The following DEXI variants were observed in gnomAD, a reference collection of about 807,000 sequenced individuals.
The protein encoded by DEXI is dexamethasone-induced protein.
DEXI carries 2 observed loss-of-function variants against 2.5 expected under a neutral mutation model. The observed-to-expected ratio is 0.81, with a 90% CI of 0.33 to 2.55. The LOEUF is 2.55. Among genes scored for constraint, DEXI ranks in the 30% most tolerant of loss-of-function variants. The pLI, the probability that DEXI is intolerant of heterozygous loss-of-function variation, is 0.11. For synonymous variants in DEXI, 71 were observed against 68.7 expected (o/e 1.03, Z -0.17); for missense variants, 108 against 130.3 (o/e 0.83, Z 0.83).
At chr16:10,930,647 C>T (rs1383325211) in intron 1 of DEXI, 1 of 152,198 alleles carries the variant, frequency 6.6e-6, no homozygotes, top group Admixed American at 6.5e-5. Context: ...ACGATGGAAA[C>T]GGTCTGAATG....
chr16:10,938,551 T>A lies in DEXI; in HGVS notation c.*149+3018A>T, dbSNP rs1379778973. 1 of 152,218 alleles carries A rather than the reference T, an allele frequency of 6.6e-6. No individual in the cohort carries two copies. The highest frequency in any genetic ancestry group is 1.9e-4 in the East Asian group (1 of 5,200). The allele number at this position is 152,218 out of a possible 1,614,324, so 9.4% of individuals were successfully genotyped here. A position where few individuals can be genotyped will look rare whatever the true frequency, so the allele number is the denominator to read the frequency against. ...GCAGGACTGACTACCGGCGTTCCCC[T>A]GCTTATGGAAAGGGGCCTGGAGATG... On this transcript the variant is annotated intron_variant, in intron 1 of 1. Coordinates refer to ENST00000331808, the MANE Select transcript of DEXI (RefSeq NM_014015.4). The surrounding 1 kb of genome is among the most constrained non-coding windows in gnomAD (Gnocchi z 4.9).
rs1356220761 is a variant in DEXI at position 10,937,852 on chromosome 16, T to C, written c.*149+3717A>G. 6.6e-6 allele frequency: 1 copy of C among 151,950 alleles called. No individual in the cohort carries two copies. The highest frequency in any genetic ancestry group is 2.4e-5 in the African/African-American group (1 of 41,330). 9.4% of individuals were successfully genotyped at this position (151,950 alleles called of 1,614,324 possible). ...AAACCACAGAGCCGGCTATCCAGGGTTCTGGTGCCCTGGGGACCACAGGGC... is the reference window on the plus strand; with the variant it reads ...AAACCACAGAGCCGGCTATCCAGGGCTCTGGTGCCCTGGGGACCACAGGGC... On this transcript the variant is annotated intron_variant, in intron 1 of 1. Coordinates refer to ENST00000331808, the MANE Select transcript of DEXI (RefSeq NM_014015.4). The surrounding 1 kb of genome is among the most constrained non-coding windows in gnomAD (Gnocchi z 4.2).
At position 10,941,782 on chromosome 16, in the gene DEXI, T is replaced by G; in HGVS notation, c.224A>C (p.Asp75Ala). 3.1e-6 allele frequency: 5 copies of G among 1,613,272 alleles called. No homozygotes were observed. Among genetic ancestry groups the G allele is most frequent in the Non-Finnish European group, 4.2e-6 (5 of 1,179,746 alleles). ...QALVDLGVLS[D>A]PGSGLYDADS... ...AGCATCGTAAAGGCCCGAGCCGGGGTCGGAGAGCACGCCGAGGTCCACGAG... is the reference window on the plus strand; with the variant it reads ...AGCATCGTAAAGGCCCGAGCCGGGGGCGGAGAGCACGCCGAGGTCCACGAG... The change falls in exon 1 of 2, where the codon GAC becomes GCC. Residue 75 changes from aspartate (D) to alanine (A), a missense_variant. Physicochemically the swap from Asp to Ala is moderately radical, Grantham distance 126. Transcript: ENST00000331808. The surrounding 1 kb of genome is among the most constrained non-coding windows in gnomAD (Gnocchi z 6.4).
At position 10,929,386 on chromosome 16, in the gene DEXI, AG is replaced by A. The variant is rs890871571; in HGVS notation, c.*322del. 6.1e-6 allele frequency: 6 copies of A among 985,814 alleles called. No homozygotes were observed. The African/African-American group carries it at 1.0e-4, about 17-fold the overall frequency. 61.1% of individuals were successfully genotyped at this position (985,814 alleles called of 1,614,324 possible). A position where few individuals can be genotyped will look rare whatever the true frequency, so the allele number is the denominator to read the frequency against. Reference sequence around the variant, plus strand: ...CTGCAAATAATCAGAAGCCAAGGCCAGGCCATCGATTTGACACTGCAGGCAG... The same window carrying A: ...CTGCAAATAATCAGAAGCCAAGGCCAGCCATCGATTTGACACTGCAGGCAG... On this transcript the variant is annotated 3_prime_UTR_variant, in exon 2 of 2. Transcript: ENST00000331808. This position sits in a 1 kb window ranked among gnomAD's most constrained non-coding sequence, Gnocchi z 4.3.
chr16:10,933,998 C>A (rs1055138430), intron 1 of DEXI: 1 of 152,232 alleles, frequency 6.6e-6, no homozygotes, highest in Non-Finnish European at 1.5e-5. Context: ...TGCACAGGTC[C>A]ATGTCCCTGA....
In DEXI at chr16:10,929,694, T is replaced by G. The variant is rs2040694270; in HGVS notation, c.*150-135A>C. 3.0e-6 allele frequency: 1 copy of G among 331,472 alleles called. No individual in the cohort carries two copies. The highest frequency in any genetic ancestry group is 2.2e-5 in the African/African-American group (1 of 44,586). The allele number at this position is 331,472 out of a possible 1,614,324, so 20.5% of individuals were successfully genotyped here. A position where few individuals can be genotyped will look rare whatever the true frequency, so the allele number is the denominator to read the frequency against. On this transcript the variant is annotated intron_variant, in intron 1 of 1. Coordinates refer to ENST00000331808, the MANE Select transcript of DEXI (RefSeq NM_014015.4). The surrounding 1 kb of genome is among the most constrained non-coding windows in gnomAD (Gnocchi z 4.3). ...GGGAAGTCTTCCTCCATCCCTCAAA[T>G]TTAGGGAACCACTGGGAGCCCCAGA...
At position 10,941,135 on chromosome 16, in the gene DEXI, C is replaced by T. The variant is rs1253912036; in HGVS notation, c.*149+434G>A. 6.5e-6 allele frequency: 1 copy of T among 153,010 alleles called. No individual in the cohort carries two copies. Among genetic ancestry groups the T allele is most frequent in the South Asian group, 2.1e-4 (1 of 4,866 alleles). The allele number at this position is 153,010 out of a possible 1,614,324, so 9.5% of individuals were successfully genotyped here. A position where few individuals can be genotyped will look rare whatever the true frequency, so the allele number is the denominator to read the frequency against. ...CAAGGGCCACAGTACAAAGGTGATT[C>T]GTGCCTGGCTCCCTGTGTCTTCTGA... On this transcript the variant is annotated intron_variant, in intron 1 of 1. Transcript: ENST00000331808. The surrounding 1 kb of genome is among the most constrained non-coding windows in gnomAD (Gnocchi z 6.4).
chr16:10,940,383 T>C lies in DEXI; in HGVS notation c.*149+1186A>G, dbSNP rs890971569. The C allele has an allele frequency of 5.3e-5, 8 of 152,282 alleles. No homozygotes were observed. Among genetic ancestry groups the C allele is most frequent in the African/African-American group, 1.9e-4 (8 of 41,482 alleles). The allele number at this position is 152,282 out of a possible 1,614,324, so 9.4% of individuals were successfully genotyped here. A position where few individuals can be genotyped will look rare whatever the true frequency, so the allele number is the denominator to read the frequency against. ...TAGCAGACTGAACTAAGACACCCTC[T>C]GCCTGTGGTTGTCTTGGCAAAGCCA... On this transcript the variant is annotated intron_variant, in intron 1 of 1. Coordinates refer to ENST00000331808, the MANE Select transcript of DEXI (RefSeq NM_014015.4). This position sits in a 1 kb window ranked among gnomAD's most constrained non-coding sequence, Gnocchi z 4.2.
Position 10,929,223 on chromosome 16 carries a change from C to T in DEXI, c.*486G>A, listed in dbSNP as rs990296816. On this transcript the variant is annotated 3_prime_UTR_variant, in exon 2 of 2. Coordinates refer to ENST00000331808, the MANE Select transcript of DEXI (RefSeq NM_014015.4). This position sits in a 1 kb window ranked among gnomAD's most constrained non-coding sequence, Gnocchi z 4.3. ...GCCTGAAGGCTCAACTCACATCAAA[C>T]GGAGCTGGGAGTCGCTTTTGCGTGT... 1.2e-5 allele frequency: 12 copies of T among 985,766 alleles called. No homozygotes were observed. The highest frequency in any genetic ancestry group is 6.1e-5 in the Admixed American group (1 of 16,264). The allele number at this position is 985,766 out of a possible 1,614,324, so 61.1% of individuals were successfully genotyped here.
At position 10,934,989 on chromosome 16, in the gene DEXI, G is replaced by C. The variant is rs2040967698; in HGVS notation, c.*150-5430C>G. The C allele has an allele frequency of 6.6e-6, 1 of 152,300 alleles. No individual in the cohort carries two copies. The highest frequency in any genetic ancestry group is 2.1e-4 in the South Asian group (1 of 4,836). 9.4% of individuals were successfully genotyped at this position (152,300 alleles called of 1,614,324 possible). A position where few individuals can be genotyped will look rare whatever the true frequency, so the allele number is the denominator to read the frequency against. Reference sequence around the variant, plus strand: ...GGCTTCCTGGGCTAGAGCCCCTTCAGGGTCTGACACGCCATTGACACTGAC... The same window carrying C: ...GGCTTCCTGGGCTAGAGCCCCTTCACGGTCTGACACGCCATTGACACTGAC... On this transcript the variant is annotated intron_variant, in intron 1 of 1. Transcript: ENST00000331808. This position sits in a 1 kb window ranked among gnomAD's most constrained non-coding sequence, Gnocchi z 4.2.
rs2041042953 is a variant in DEXI at position 10,937,341 on chromosome 16, G to C, written c.*149+4228C>G. 6.6e-6 allele frequency: 1 copy of C among 152,320 alleles called. No individual in the cohort carries two copies. The highest frequency in any genetic ancestry group is 1.5e-5 in the Non-Finnish European group (1 of 68,160). 9.4% of individuals were successfully genotyped at this position (152,320 alleles called of 1,614,324 possible). On this transcript the variant is annotated intron_variant, in intron 1 of 1. Coordinates refer to ENST00000331808, the MANE Select transcript of DEXI (RefSeq NM_014015.4). The surrounding 1 kb of genome is among the most constrained non-coding windows in gnomAD (Gnocchi z 4.2). ...GTGGGATCTCCCATAACTCAAATCT[G>C]ACTGTGTCCCTGTGGAAGGTTTGGG...
chr16:10,932,568 C>T (rs1433766098), intron 1 of DEXI: 1 of 151,976 alleles, frequency 6.6e-6, no homozygotes, highest in Non-Finnish European at 1.5e-5. Context: ...CTTTTGGCTT[C>T]CCTGGGCCAC....
chr16:10,935,244 A>G (rs1260465096), intron 1 of DEXI: 1 of 152,246 alleles, frequency 6.6e-6, no homozygotes, highest in Non-Finnish European at 1.5e-5. Flanking sequence ...ACCCTAAGTA[A>G]CAAGGAATCA....
chr16:10,929,394 G>A lies in DEXI; in HGVS notation c.*315C>T, dbSNP rs182748846. The A allele has an allele frequency of 5.8e-5, 57 of 985,892 alleles. No homozygotes were observed. In the African/African-American group the frequency reaches 8.0e-4, roughly 14 times the overall value. 61.1% of individuals were successfully genotyped at this position (985,892 alleles called of 1,614,324 possible). Reference sequence around the variant, plus strand: ...AATCAGAAGCCAAGGCCAGGCCATCGATTTGACACTGCAGGCAGATGAGGT... The same window carrying A: ...AATCAGAAGCCAAGGCCAGGCCATCAATTTGACACTGCAGGCAGATGAGGT... On this transcript the variant is annotated 3_prime_UTR_variant, in exon 2 of 2. Coordinates refer to ENST00000331808, the MANE Select transcript of DEXI (RefSeq NM_014015.4). This position sits in a 1 kb window ranked among gnomAD's most constrained non-coding sequence, Gnocchi z 4.3.
At position 10,941,950 on chromosome 16, in the gene DEXI, T is replaced by A. The variant is rs746964829; in HGVS notation, c.56A>T (p.Tyr19Phe). 14 of 1,574,660 alleles carry A rather than the reference T, an allele frequency of 8.9e-6. No homozygotes were observed. The South Asian group carries it at 1.5e-4, about 17-fold the overall frequency. ...AGAGGGCAGCAGCGGCGGCGGCACG[T>A]AGGGGACCAGGGGGCCCAGTGCGTC... The part of the protein sequence containing the change: ...HLDALGPLVP[Y>F]VPPPLLPSMF... Residue 19 changes from tyrosine to phenylalanine, a missense_variant, in exon 1 of 2, where the codon TAC becomes TTC. Coordinates refer to ENST00000331808, the MANE Select transcript of DEXI (RefSeq NM_014015.4). This position sits in a 1 kb window ranked among gnomAD's most constrained non-coding sequence, Gnocchi z 6.4.
rs1408904401 is a variant in DEXI, at chr16:10,940,798, A to G, written c.*149+771T>C. On this transcript the variant is annotated intron_variant, in intron 1 of 1. Transcript: ENST00000331808. This position sits in a 1 kb window ranked among gnomAD's most constrained non-coding sequence, Gnocchi z 4.2. ...GTCACAGCCCCAAAGACAGGACTTG[A>G]CCATCTCAGTGCAATGACCCTGTGG... 1 of 152,282 alleles carries G rather than the reference A, an allele frequency of 6.6e-6. No individual in the cohort carries two copies. The highest frequency in any genetic ancestry group is 1.5e-5 in the Non-Finnish European group (1 of 68,130). 9.4% of individuals were successfully genotyped at this position (152,282 alleles called of 1,614,324 possible). A position where few individuals can be genotyped will look rare whatever the true frequency, so the allele number is the denominator to read the frequency against.
rs1164343768 is a variant in DEXI at position 10,939,421 on chromosome 16, A to C, written c.*149+2148T>G. The C allele has an allele frequency of 6.6e-6, 1 of 152,206 alleles. No homozygotes were observed. The highest frequency in any genetic ancestry group is 1.5e-5 in the Non-Finnish European group (1 of 68,082). 9.4% of individuals were successfully genotyped at this position (152,206 alleles called of 1,614,324 possible). On this transcript the variant is annotated intron_variant, in intron 1 of 1. Transcript: ENST00000331808. The surrounding 1 kb of genome is among the most constrained non-coding windows in gnomAD (Gnocchi z 4.9). ...CCACTGCTCTTGGCTATGGCCTTCC[A>C]GGTCCTCCATGGTATGGCTCCCACC...
In DEXI at chr16:10,941,973, G is replaced by T. The variant is rs553117707; in HGVS notation, c.33C>A (p.Asp11Glu). The T allele has an allele frequency of 7.7e-5, 118 of 1,526,232 alleles. 2 individuals are homozygous for T. The South Asian group carries it at 8.1e-4, about 10-fold the overall frequency. 94.5% of individuals were successfully genotyped at this position (1,526,232 alleles called of 1,614,324 possible). Residue 11 changes from aspartate (D) to glutamate (E), a missense_variant, in exon 1 of 2, where the codon GAC becomes GAA. By Grantham distance (45) the Asp-to-Glu change is conservative. Transcript: ENST00000331808. This position sits in a 1 kb window ranked among gnomAD's most constrained non-coding sequence, Gnocchi z 6.4. Reference protein sequence around the residue: MLGARVAAHLDALGPLVPYVP... With the variant: MLGARVAAHLEALGPLVPYVP... Reference sequence around the variant, plus strand: ...CGTAGGGGACCAGGGGGCCCAGTGCGTCCAGGTGGGCCGCGACCCGGGCGC... The same window carrying T: ...CGTAGGGGACCAGGGGGCCCAGTGCTTCCAGGTGGGCCGCGACCCGGGCGC...
At position 10,941,819 on chromosome 16, in the gene DEXI, T is replaced by A; in HGVS notation, c.187A>T (p.Met63Leu). The stretch of plus-strand genomic sequence containing the variant: ...CCGAGGTCCACGAGCGCCTGGTCCA[T>A]GTCCTCGGGCAGGAAGACGAGGCCC... ...NVGLVFLPED[M>L]DQALVDLGVL... The change falls in exon 1 of 2, where the codon ATG becomes TTG. Residue 63 changes from methionine (M) to leucine (L), a missense_variant. By Grantham distance (15) the Met-to-Leu change is conservative (BLOSUM62 2). Transcript: ENST00000331808. This position sits in a 1 kb window ranked among gnomAD's most constrained non-coding sequence, Gnocchi z 6.4. 6.2e-7 allele frequency: 1 copy of A among 1,613,518 alleles called. No homozygotes were observed. Among genetic ancestry groups the A allele is most frequent in the Non-Finnish European group, 8.5e-7 (1 of 1,179,832 alleles).
Sources: gnomAD v4.1 joint callset for allele counts on GRCh38, gnomAD v4.1.1 for gene constraint, Gnocchi (gnomAD v3.1) non-coding constraint, MANE v1.5 for transcripts, NCBI Gene and HGNC (gene_info 2026-07-23, HGNC 2026-07-21) for gene names.